Variants in LGSN observed in about 807,000 individuals in gnomAD.
The protein encoded by LGSN is lengsin, lens protein with glutamine synthetase domain, also known as lengsin.
In LGSN, 21 loss-of-function variants were observed where a neutral mutation model predicts 19.5. The observed-to-expected ratio is 1.07, with a 90% CI of 0.76 to 1.55. The LOEUF (loss-of-function observed/expected upper bound fraction) is 1.55, where lower values mean the gene tolerates loss of function less well. Among genes scored for constraint, LGSN ranks in the 40% most tolerant of loss-of-function variants. LGSN has a pLI of 0.00. For synonymous variants in LGSN, 257 were observed against 215.6 expected (o/e 1.19, Z -1.68); for missense variants, 673 against 608.5 (o/e 1.11, Z -1.12).
At chr6:63,337,368 A>T in the LGSN span, among the ~76,000 whole-genome samples, 1 of 151,568 alleles carries the variant, frequency 6.6e-6, no homozygotes, top group African/African-American at 2.4e-5. Flanking sequence ...TGACTGAGGC[A>T]TGAAAAATCA....
the LGSN span, among the ~76,000 whole-genome samples, chr6:63,516,174 G>A: frequency 1.3e-5 from 2 of 152,146 alleles, no homozygotes; most frequent in South Asian, 4.1e-4. Context: ...GCAAGTAGAA[G>A]ATTGAAAATA....
At chr6:63,384,489 T>TTGTGTGTG in the LGSN span, among the ~76,000 whole-genome samples, 1,454 of 131,564 alleles carry the variant, frequency 0.011, 23 homozygotes, top group East Asian at 0.024. Flanking sequence ...AAATAACACC[T>TTGTGTGTG]TGTGTGTGTG....
chr6:63,514,943 TACCTCCTACCTTG>T, the LGSN span, among the ~76,000 whole-genome samples: 73 of 151,832 alleles, frequency 4.8e-4, no homozygotes, highest in African/African-American at 1.6e-3. Context: ...GATGAAAGGG[TACCTCCTACCTTG>T]ACCTCCCAAA....
the LGSN span, among the ~76,000 whole-genome samples, chr6:63,340,921 G>C: frequency 6.6e-6 from 1 of 151,696 alleles, no homozygotes; most frequent in Admixed American, 6.6e-5. Context: ...CCAAATTTAT[G>C]GATTGGTTTT....
At chr6:63,549,664 A>T in the LGSN span, among the ~76,000 whole-genome samples, 1 of 152,136 alleles carries the variant, frequency 6.6e-6, no homozygotes, top group Non-Finnish European at 1.5e-5. Flanking sequence ...AGTAACACGG[A>T]TAGAACTGGA....
At chr6:63,346,322 G>A in the LGSN span, among the ~76,000 whole-genome samples, 3 of 151,894 alleles carry the variant, frequency 2.0e-5, no homozygotes, top group African/African-American at 4.8e-5. Flanking sequence ...CCTGAAAGAG[G>A]AGAAAAGCTG....
the LGSN span, among the ~76,000 whole-genome samples, chr6:63,536,672 T>C: frequency 6.6e-6 from 1 of 152,214 alleles, no homozygotes; most frequent in Non-Finnish European, 1.5e-5. Flanking sequence ...TCCACAAGGA[T>C]AATAAATACT....
chr6:63,501,217 C>T, the LGSN span, among the ~76,000 whole-genome samples: 156 of 151,900 alleles, frequency 1.0e-3, no homozygotes, highest in Non-Finnish European at 1.7e-3. Flanking sequence ...ATTAAAAATA[C>T]AAAAAATTAG....
At chr6:63,550,916 G>A in the LGSN span, among the ~76,000 whole-genome samples, 10 of 152,036 alleles carry the variant, frequency 6.6e-5, no homozygotes, top group African/African-American at 1.7e-4. Flanking sequence ...ATGAGCCACC[G>A]TGCCCAGCCC....
At chr6:63,439,846 T>C in the LGSN span, among the ~76,000 whole-genome samples, 1 of 152,224 alleles carries the variant, frequency 6.6e-6, no homozygotes, top group African/African-American at 2.4e-5. Context: ...CTTCTCTCTA[T>C]ATACACATAC....
At chr6:63,337,644 A>G in the LGSN span, among the ~76,000 whole-genome samples, 1 of 151,702 alleles carries the variant, frequency 6.6e-6, no homozygotes, top group South Asian at 2.1e-4. Context: ...TCTACACAAA[A>G]TACAAAAAAT....
the LGSN span, among the ~76,000 whole-genome samples, chr6:63,399,861 ATT>A: frequency 6.6e-6 from 1 of 151,076 alleles, no homozygotes; most frequent in African/African-American, 2.4e-5. Flanking sequence ...ACACCCAGCT[ATT>A]TTTTTTTATT....
At chr6:63,316,953 G>A (rs1768891199) in intron 1 of LGSN, among the ~76,000 whole-genome samples, 1 of 151,980 alleles carries the variant, frequency 6.6e-6, no homozygotes, top group African/African-American at 2.4e-5. Context: ...AAAAAATTAT[G>A]ATATGCCTGT....
the LGSN span, among the ~76,000 whole-genome samples, chr6:63,405,267 C>A: frequency 1.5e-3 from 235 of 151,994 alleles, no homozygotes; most frequent in African/African-American, 5.5e-3. Context: ...AATAAACATA[C>A]GTGTGCATGT....
chr6:63,511,722 T>C, the LGSN span, among the ~76,000 whole-genome samples: 2 of 152,222 alleles, frequency 1.3e-5, no homozygotes, highest in African/African-American at 2.4e-5. Flanking sequence ...TGGTTTTGAA[T>C]TGTCCCTCAG....
At chr6:63,369,706 G>A in the LGSN span, among the ~76,000 whole-genome samples, 16 of 152,240 alleles carry the variant, frequency 1.1e-4, no homozygotes, top group South Asian at 2.5e-3. Context: ...CTCTTAATAG[G>A]AATAGAGTAC....
the LGSN span, among the ~76,000 whole-genome samples, chr6:63,349,390 AC>A: frequency 6.6e-6 from 1 of 152,094 alleles, no homozygotes; most frequent in African/African-American, 2.4e-5. Context: ...TAAATTCCCA[AC>A]CCTTGGTGCA....
the LGSN span, among the ~76,000 whole-genome samples, chr6:63,474,416 G>A: frequency 1.6e-4 from 25 of 151,880 alleles, no homozygotes; most frequent in East Asian, 4.8e-3. Flanking sequence ...AGACCATCCT[G>A]GCTAACATGG....
chr6:63,306,982 A>C lies in LGSN; in HGVS notation c.31-11937T>G, dbSNP rs557765317. ...CACAACTAGGTCTCAAAACTACCGG[A>C]ATGCTGTTCAGAATATGCAGCAGCT... On this transcript the variant is annotated intron_variant, in intron 1 of 3. Transcript: ENST00000370657. Among the ~76,000 whole-genome samples, 3 of 152,322 alleles carry C rather than the reference A, an allele frequency of 2.0e-5. No individual in the cohort carries two copies. The South Asian group carries it at 6.2e-4, about 32-fold the overall frequency.
Sources: gnomAD v4.1 joint callset for allele counts (sites outside exome capture counted in the v4.1 genomes callset) on GRCh38, gnomAD v4.1.1 for gene constraint, MANE v1.5 for transcripts, NCBI Gene and HGNC (gene_info 2026-07-23, HGNC 2026-07-21) for gene names.